The following RUNX1 variants were observed in gnomAD, a reference collection of about 807,000 sequenced individuals.
RUNX1 encodes the protein runt-related transcription factor 1.
Under a neutral mutation model 42.8 loss-of-function variants are expected in RUNX1, and 19 were observed. The ratio of observed to expected loss-of-function variants is 0.44; its 90% CI spans 0.31 to 0.65. The LOEUF (loss-of-function observed/expected upper bound fraction) is 0.65, where lower values mean the gene tolerates loss of function less well. RUNX1 is among the 30% of genes least tolerant of loss of function. RUNX1 has a pLI of 0.07. For synonymous variants in RUNX1, 271 were observed against 289.4 expected (o/e 0.94, Z 0.64); for missense variants, 528 against 672.0 (o/e 0.79, Z 2.37).
intron 6 of RUNX1, among the ~76,000 whole-genome samples, chr21:34,839,490 A>C (rs2057199796): frequency 6.6e-6 from 1 of 152,184 alleles, no homozygotes; most frequent in African/African-American, 2.4e-5. Context: ...AGAAGTGCAC[A>C]ATGCTTCATA....
intron 2 of RUNX1, among the ~76,000 whole-genome samples, chr21:34,952,900 G>A (rs1416187829): frequency 6.6e-6 from 1 of 152,172 alleles, no homozygotes; most frequent in African/African-American, 2.4e-5. Flanking sequence ...TGTAATTTGA[G>A]CTGAATCACA....
At chr21:34,865,279 C>CGTGTGTGTGTGTGT (rs61238560) in intron 5 of RUNX1, among the ~76,000 whole-genome samples, 5 of 132,380 alleles carry the variant, frequency 3.8e-5, no homozygotes, top group East Asian at 2.3e-4. Flanking sequence ...GGGTTTTGTG[C>CGTGTGTGTGTGTGT]GTGTGTGTGT....
chr21:34,848,021 G>A (rs1002493615), intron 6 of RUNX1, among the ~76,000 whole-genome samples: 1 of 152,062 alleles, frequency 6.6e-6, no homozygotes, highest in African/African-American at 2.4e-5. Context: ...TTTGGGACAT[G>A]GTCAAGGGGC....
chr21:35,040,783 A>C (rs1368480202), intron 2 of RUNX1, among the ~76,000 whole-genome samples: 10 of 151,144 alleles, frequency 6.6e-5, no homozygotes, highest in South Asian at 4.2e-4. Flanking sequence ...AAAAAAAAAA[A>C]AAAAAAAAAA....
intron 2 of RUNX1, among the ~76,000 whole-genome samples, chr21:34,989,014 C>CTCTCTCTTT (rs752573187): frequency 3.3e-4 from 48 of 145,894 alleles, no homozygotes; most frequent in African/African-American, 1.2e-3. Flanking sequence ...CTCTCTCTCT[C>CTCTCTCTTT]TTTTTTTTTT....
chr21:34,996,796 C>T (rs2059000339), intron 2 of RUNX1, among the ~76,000 whole-genome samples: 1 of 151,980 alleles, frequency 6.6e-6, no homozygotes, highest in Admixed American at 6.6e-5. Context: ...AACATTCCTC[C>T]TGAGCTTATC....
intron 7 of RUNX1, among the ~76,000 whole-genome samples, chr21:34,811,980 GCCC>G (rs1015149290): frequency 6.7e-6 from 1 of 148,278 alleles, no homozygotes; most frequent in African/African-American, 2.5e-5. Flanking sequence ...CCCGAGAAAT[GCCC>G]CCAAGAAACC....
At chr21:34,862,794 T>C (rs901580063) in intron 5 of RUNX1, among the ~76,000 whole-genome samples, 4 of 152,212 alleles carry the variant, frequency 2.6e-5, no homozygotes, top group African/African-American at 9.6e-5. Context: ...ATACACTTTT[T>C]GGAGAACACT....
chr21:34,969,320 C>G (rs967443920), intron 2 of RUNX1, among the ~76,000 whole-genome samples: 1 of 151,992 alleles, frequency 6.6e-6, no homozygotes, highest in African/African-American at 2.4e-5. Context: ...GACCCTCTGA[C>G]AGGTTGTCTA....
At chr21:34,831,072 G>A (rs538363868) in intron 7 of RUNX1, among the ~76,000 whole-genome samples, 1 of 152,094 alleles carries the variant, frequency 6.6e-6, no homozygotes, top group African/African-American at 2.4e-5. Flanking sequence ...AACAGGCATC[G>A]GTACCACTAG....
At chr21:34,886,200 C>T (rs2057983664) in intron 4 of RUNX1, among the ~76,000 whole-genome samples, 1 of 152,164 alleles carries the variant, frequency 6.6e-6, no homozygotes, top group East Asian at 1.9e-4. Context: ...AGAACGGTTC[C>T]GGGAAAAGAA....
chr21:34,824,675 C>T (rs1051555029), intron 7 of RUNX1, among the ~76,000 whole-genome samples: 10 of 152,192 alleles, frequency 6.6e-5, no homozygotes, highest in African/African-American at 2.4e-4. Flanking sequence ...CCCTCTGCCT[C>T]TGTCAATTTC....
At chr21:34,983,127 GC>G (rs2058860098) in intron 2 of RUNX1, among the ~76,000 whole-genome samples, 1 of 152,152 alleles carries the variant, frequency 6.6e-6, no homozygotes, top group Admixed American at 6.5e-5. Context: ...ACCAGCAAGC[GC>G]ATGAGGTAGA....
intron 2 of RUNX1, among the ~76,000 whole-genome samples, chr21:34,989,014 C>CTCTCTCTCTCT (rs752573187): frequency 6.5e-4 from 95 of 145,888 alleles, no homozygotes; most frequent in African/African-American, 2.3e-3. Flanking sequence ...CTCTCTCTCT[C>CTCTCTCTCTCT]TTTTTTTTTT....
At chr21:34,893,916 A>G (rs1431470718) in intron 2 of RUNX1, among the ~76,000 whole-genome samples, 1 of 152,180 alleles carries the variant, frequency 6.6e-6, no homozygotes, top group African/African-American at 2.4e-5. Flanking sequence ...AACTAAAATA[A>G]GAGGTTCTGA....
At chr21:35,007,138 T>C (rs925840683) in intron 2 of RUNX1, among the ~76,000 whole-genome samples, 4 of 152,176 alleles carry the variant, frequency 2.6e-5, no homozygotes, top group East Asian at 1.9e-4. Context: ...AATTTTTATA[T>C]AGAATGCATA....
chr21:34,966,436 G>T (rs1569129109), intron 2 of RUNX1, among the ~76,000 whole-genome samples: 2 of 152,144 alleles, frequency 1.3e-5, no homozygotes, highest in Non-Finnish European at 2.9e-5. Flanking sequence ...AGCTCCAAAT[G>T]GTTAAGCCAC....
At chr21:35,047,549 A>ACTCCCTCT (rs1262198638) in intron 2 of RUNX1, among the ~76,000 whole-genome samples, 52 of 107,738 alleles carry the variant, frequency 4.8e-4, no homozygotes, top group Non-Finnish European at 8.1e-4. Context: ...ACACACACAC[A>ACTCCCTCT]CACACACACA....
chr21:34,971,580 T>A (rs1269877195), intron 2 of RUNX1, among the ~76,000 whole-genome samples: 1 of 152,118 alleles, frequency 6.6e-6, no homozygotes, highest in African/African-American at 2.4e-5. Context: ...CACCCTTCCA[T>A]CATTTATTAT....
Sources: allele counts gnomAD v4.1 joint callset (sites outside exome capture counted in the v4.1 genomes callset), GRCh38; gene constraint gnomAD v4.1.1; transcripts MANE v1.5; gene names NCBI Gene and HGNC (gene_info 2026-07-23, HGNC 2026-07-21).